BMPR1B: variants seen among roughly 807,000 people sequenced by gnomAD.
BMPR1B encodes bone morphogenetic protein receptor type-1B.
A neutral mutation model predicts 59.1 loss-of-function variants in BMPR1B; 12 were observed. That is an observed-to-expected ratio of 0.20 (90% CI 0.13 to 0.33). The LOEUF (loss-of-function observed/expected upper bound fraction) is 0.33. BMPR1B is among the 10% of genes least tolerant of loss of function. The pLI, the probability that BMPR1B is intolerant of heterozygous loss-of-function variation, is 1.00. For missense variants in BMPR1B, 550 were observed against 610.9 expected, an observed-to-expected ratio of 0.90 and a Z score of 1.05; for synonymous variants, 237 against 207.3, an observed-to-expected ratio of 1.14 and a Z score of -1.23.
intron 1 of BMPR1B, among the ~76,000 whole-genome samples, chr4:94,788,342 G>A (rs1319863268): frequency 6.6e-6 from 1 of 152,144 alleles, no homozygotes; most frequent in Non-Finnish European, 1.5e-5. Flanking sequence ...ACATACTGGG[G>A]ACAGGGAGGA....
chr4:95,063,249 A>G (rs1727540136), intron 3 of BMPR1B, among the ~76,000 whole-genome samples: 1 of 152,198 alleles, frequency 6.6e-6, no homozygotes, highest in Admixed American at 6.6e-5. Context: ...CAATTTAGAA[A>G]TCCAAGCATA....
intron 2 of BMPR1B, among the ~76,000 whole-genome samples, chr4:94,957,171 G>T (rs1426426966): frequency 6.6e-6 from 1 of 152,068 alleles, no homozygotes; most frequent in Non-Finnish European, 1.5e-5. Context: ...TCTTGCTGGG[G>T]ATTAGTGTTA....
At chr4:94,807,031 CTG>C (rs1297384718) in intron 1 of BMPR1B, among the ~76,000 whole-genome samples, 1 of 151,942 alleles carries the variant, frequency 6.6e-6, no homozygotes, top group Non-Finnish European at 1.5e-5. Flanking sequence ...TGAAAGACAT[CTG>C]TATTAAAATA....
chr4:94,974,416 C>T (rs1730932477), intron 2 of BMPR1B, among the ~76,000 whole-genome samples: 1 of 152,062 alleles, frequency 6.6e-6, no homozygotes, highest in South Asian at 2.1e-4. Flanking sequence ...CTCCCTGCAG[C>T]CCTTGTCAGA....
At chr4:95,010,047 T>C (rs942725247) in intron 3 of BMPR1B, among the ~76,000 whole-genome samples, 6 of 152,062 alleles carry the variant, frequency 3.9e-5, no homozygotes, top group Non-Finnish European at 8.8e-5. Flanking sequence ...CCAAACAGAT[T>C]TGGGGGACAC....
intron 1 of BMPR1B, among the ~76,000 whole-genome samples, chr4:94,867,522 G>A (rs377001942): frequency 6.6e-6 from 1 of 151,870 alleles, no homozygotes; most frequent in Non-Finnish European, 1.5e-5. Context: ...TACATCTTAG[G>A]GCCTCAGTTA....
intron 2 of BMPR1B, among the ~76,000 whole-genome samples, chr4:94,945,207 A>G (rs894431688): frequency 3.9e-5 from 6 of 152,222 alleles, no homozygotes; most frequent in African/African-American, 1.4e-4. Flanking sequence ...TAGATGTGGC[A>G]TATCCAAAGT....
intron 1 of BMPR1B, among the ~76,000 whole-genome samples, chr4:94,856,034 A>C (rs1435793504): frequency 6.6e-6 from 1 of 152,236 alleles, no homozygotes; most frequent in East Asian, 1.9e-4. Context: ...CCCAGGGGGA[A>C]TACAACAACA....
rs1726533617 is a variant in BMPR1B at position 95,051,908 on chromosome 4, G to A, written c.-17-52500G>A. The A allele has an allele frequency of 9.5e-6, 7 of 738,554 alleles. No homozygotes were observed. The South Asian group carries it at 1.7e-4, about 18-fold the overall frequency. 45.8% of individuals were successfully genotyped at this position (738,554 alleles called of 1,614,324 possible). A position where few individuals can be genotyped will look rare whatever the true frequency, so the allele number is the denominator to read the frequency against. ...AAGTTCCATCCCCCATTCTCCAACT[G>A]CCCTGTAATTTTACTACTTTCTCTA... On this transcript the variant is annotated intron_variant, in intron 3 of 12. Coordinates refer to ENST00000515059, the MANE Select transcript of BMPR1B (RefSeq NM_001203.3).
At chr4:95,049,042 A>G (rs961765323) in intron 3 of BMPR1B, among the ~76,000 whole-genome samples, 7 of 152,188 alleles carry the variant, frequency 4.6e-5, no homozygotes, top group South Asian at 2.1e-4. Context: ...CTCTCCTCAC[A>G]TGTTTAATCT....
At chr4:94,889,741 T>C (rs946137051) in intron 2 of BMPR1B, among the ~76,000 whole-genome samples, 1 of 152,040 alleles carries the variant, frequency 6.6e-6, no homozygotes, top group African/African-American at 2.4e-5. Flanking sequence ...GGTTACTGTT[T>C]AAATGAGGGT....
At chr4:95,094,325 C>T (rs541234076) in intron 3 of BMPR1B, among the ~76,000 whole-genome samples, 20 of 151,722 alleles carry the variant, frequency 1.3e-4, no homozygotes, top group Non-Finnish European at 2.6e-4. Context: ...ACTCTTTGCT[C>T]ACCGTGATTA....
At chr4:95,129,756 C>T in intron 8 of BMPR1B, 106 bp from the exon 9 acceptor site, 1 of 1,091,060 alleles carries the variant, frequency 9.2e-7, no homozygotes, top group Non-Finnish European at 1.4e-6. Flanking sequence ...AAAATACTAG[C>T]TAAATATATT....
intron 7 of BMPR1B, 87 bp from the exon 8 acceptor site, chr4:95,124,896 A>G: frequency 1.6e-6 from 2 of 1,283,684 alleles, no homozygotes; most frequent in Admixed American, 3.6e-5. Flanking sequence ...CTAAAATAAA[A>G]CTGCTGTGAT....
At chr4:94,776,355 A>G (rs910918181) in intron 1 of BMPR1B, among the ~76,000 whole-genome samples, 1 of 152,222 alleles carries the variant, frequency 6.6e-6, no homozygotes, top group Non-Finnish European at 1.5e-5. Flanking sequence ...GTGATGCATC[A>G]TAAGCATTTG....
intron 2 of BMPR1B, among the ~76,000 whole-genome samples, chr4:94,925,153 C>T (rs891560456): frequency 4.9e-4 from 75 of 152,010 alleles, no homozygotes; most frequent in Non-Finnish European, 1.6e-4. Context: ...AATCACCTGC[C>T]TTGTAGCCAC....
At chr4:94,834,561 T>A (rs1209860697) in intron 1 of BMPR1B, among the ~76,000 whole-genome samples, 2 of 152,142 alleles carry the variant, frequency 1.3e-5, no homozygotes, top group Non-Finnish European at 1.5e-5. Context: ...TCTCTACAAC[T>A]TTGACATAGG....
intron 3 of BMPR1B, among the ~76,000 whole-genome samples, chr4:95,058,865 T>TTG (rs201477612): frequency 0.015 from 2,285 of 152,316 alleles, 30 homozygotes; most frequent in Middle Eastern, 0.037. Context: ...TTGCTTGCAG[T>TTG]TGTGTATAAT....
At position 95,155,710 on chromosome 4, in the gene BMPR1B, G is replaced by A. The variant is rs1241121075; in HGVS notation, c.*1037G>A. On this transcript the variant is annotated 3_prime_UTR_variant, in exon 13 of 13. Transcript: ENST00000515059. ...GCTTGTATCTTATATATGCAAAGGAGCCAATCTCAGAAGCACAAAGAAAAA... is the reference window on the plus strand; with the variant it reads ...GCTTGTATCTTATATATGCAAAGGAACCAATCTCAGAAGCACAAAGAAAAA... The A allele has an allele frequency of 6.6e-6, 1 of 151,794 alleles. No homozygotes were observed. Among genetic ancestry groups the A allele is most frequent in the Non-Finnish European group, 1.5e-5 (1 of 67,972 alleles). 9.4% of individuals were successfully genotyped at this position (151,794 alleles called of 1,614,324 possible).
Sources: gnomAD v4.1 joint callset for allele counts (sites outside exome capture counted in the v4.1 genomes callset) on GRCh38, gnomAD v4.1.1 for gene constraint, MANE v1.5 for transcripts, NCBI Gene and HGNC (gene_info 2026-07-23, HGNC 2026-07-21) for gene names.